AQP5: variants seen among roughly 807,000 people sequenced by gnomAD.
AQP5 encodes the protein aquaporin 5, also known as aquaporin-5.
In AQP5, 15 loss-of-function variants were observed where a neutral mutation model predicts 19.1. That is an observed-to-expected ratio of 0.79 (90% confidence interval 0.53 to 1.21). The LOEUF is 1.21. Among genes scored for constraint, AQP5 ranks in the 50% most tolerant of loss-of-function variants. AQP5 has a pLI of 0.00. For missense variants in AQP5, 355 were observed against 357.1 expected, an observed-to-expected ratio of 0.99 and a Z score of 0.05; for synonymous variants, 182 against 160.3, an observed-to-expected ratio of 1.14 and a Z score of -1.02.
chr12:49,962,534 T>TCCCAAGGCCAGGCAGGCAAGAGC (rs1262546880), intron 1 of AQP5, 154 bp downstream of exon 1: 1 of 974,746 alleles, frequency 1.0e-6, no homozygotes, highest in Non-Finnish European at 1.4e-6. Context: ...GGAAGGCAAC[T>TCCCAAGGCCAGGCAGGCAAGAGC]CTCCAGGCTG....
intron 1 of AQP5, chr12:49,962,926 T>C (rs1239627548): frequency 6.1e-6 from 1 of 163,726 alleles, no homozygotes; most frequent in Non-Finnish European, 1.3e-5. Context: ...GAGTATTGGT[T>C]CCCTCTTTCC....
At position 49,965,368 on chromosome 12, in the gene AQP5, C is replaced by A; in HGVS notation, c.*191C>A. 1 of 610,916 alleles carries A rather than the reference C, an allele frequency of 1.6e-6. No individual in the cohort carries two copies. Among genetic ancestry groups the A allele is most frequent in the Non-Finnish European group, 2.8e-6 (1 of 362,812 alleles). The allele number at this position is 610,916 out of a possible 1,614,324, so 37.8% of individuals were successfully genotyped here. A position where few individuals can be genotyped will look rare whatever the true frequency, so the allele number is the denominator to read the frequency against. ...GGACTCCTGGGGTAGGGGCCAGGGG[C>A]TGGGGTCTGCTGGGGACAGGTCTCT... On this transcript the variant is annotated 3_prime_UTR_variant, in exon 4 of 4. Transcript: ENST00000293599.
rs746236921 is a variant in AQP5 at position 49,964,819 on chromosome 12, G to C, written c.613-173G>C. On this transcript the variant is annotated intron_variant, in intron 3 of 3. Transcript: ENST00000293599. ...GTCCATGTCTCTGTCCCTGGGAGTGGTGTGTCAGTATATTCGTCCCCGAGG... is the reference window on the plus strand; with the variant it reads ...GTCCATGTCTCTGTCCCTGGGAGTGCTGTGTCAGTATATTCGTCCCCGAGG... The C allele has an allele frequency of 3.0e-6, 3 of 985,236 alleles. No homozygotes were observed. In the African/African-American group the frequency reaches 5.2e-5, roughly 17 times the overall value. The allele number at this position is 985,236 out of a possible 1,614,324, so 61.0% of individuals were successfully genotyped here.
chr12:49,962,806 C>T (rs1038985458), intron 1 of AQP5: 2 of 173,270 alleles, frequency 1.2e-5, no homozygotes, highest in African/African-American at 2.4e-5. Flanking sequence ...TTGTTCTCAG[C>T]GCCTCCATGG....
In AQP5 at chr12:49,965,366, G is replaced by T. The variant is rs139851649; in HGVS notation, c.*189G>T. 1 of 666,716 alleles carries T rather than the reference G, an allele frequency of 1.5e-6. No homozygotes were observed. Among genetic ancestry groups the T allele is most frequent in the Non-Finnish European group, 2.4e-6 (1 of 410,532 alleles). 41.3% of individuals were successfully genotyped at this position (666,716 alleles called of 1,614,324 possible). ...TGGGACTCCTGGGGTAGGGGCCAGG[G>T]GCTGGGGTCTGCTGGGGACAGGTCT... On this transcript the variant is annotated 3_prime_UTR_variant, in exon 4 of 4. Transcript: ENST00000293599.
chr12:49,964,927 G>A, intron 3 of AQP5, 65 bp from the exon 4 acceptor site: 2 of 1,559,964 alleles, frequency 1.3e-6, no homozygotes, highest in Admixed American at 1.9e-5. Context: ...CCTCTGTGGG[G>A]TGGGGGGCAT....
At chr12:49,964,350 G>A (rs1947463752) in intron 3 of AQP5, among the ~76,000 whole-genome samples, 175 bp downstream of exon 3, 1 of 152,188 alleles carries the variant, frequency 6.6e-6, no homozygotes, top group African/African-American at 2.4e-5. Flanking sequence ...TAGAGGGGCA[G>A]AGGTGGCTTT....
rs182139960 is a variant in AQP5, at chr12:49,964,743, C to T, written c.613-249C>T. 5 of 985,292 alleles carry T rather than the reference C, an allele frequency of 5.1e-6. No individual in the cohort carries two copies. The Admixed American group carries it at 3.1e-4, about 60-fold the overall frequency. 61.0% of individuals were successfully genotyped at this position (985,292 alleles called of 1,614,324 possible). ...CTCTTTCCGGTGTGGTTGGAGGGAG[C>T]CTGTCCCTCTGGGAATCTGTTTGCC... is the stretch of plus-strand genomic sequence containing the variant. On this transcript the variant is annotated intron_variant, in intron 3 of 3. Coordinates refer to ENST00000293599, the MANE Select transcript of AQP5 (RefSeq NM_001651.4).
Position 49,961,931 on chromosome 12 carries a change from G to T in AQP5, c.-87G>T. ...CGCGGCGCCCCGCAGCCAGGCCCCC[G>T]CCCCCGCCGCATCCACCTCCTCCGC... On this transcript the variant is annotated 5_prime_UTR_variant, in exon 1 of 4. Coordinates refer to ENST00000293599, the MANE Select transcript of AQP5 (RefSeq NM_001651.4). 1 of 851,510 alleles carries T rather than the reference G, an allele frequency of 1.2e-6. No homozygotes were observed. Among genetic ancestry groups the T allele is most frequent in the Non-Finnish European group, 1.5e-6 (1 of 657,246 alleles). The allele number at this position is 851,510 out of a possible 1,614,324, so 52.7% of individuals were successfully genotyped here. A position where few individuals can be genotyped will look rare whatever the true frequency, so the allele number is the denominator to read the frequency against.
In AQP5 at chr12:49,965,348, C is replaced by T. The variant is rs74091169; in HGVS notation, c.*171C>T. 4 of 783,230 alleles carry T rather than the reference C, an allele frequency of 5.1e-6. No individual in the cohort carries two copies. In the African/African-American group the frequency reaches 5.2e-5, roughly 10 times the overall value. 48.5% of individuals were successfully genotyped at this position (783,230 alleles called of 1,614,324 possible). On this transcript the variant is annotated 3_prime_UTR_variant, in exon 4 of 4. Coordinates refer to ENST00000293599, the MANE Select transcript of AQP5 (RefSeq NM_001651.4). Reference sequence around the variant, plus strand: ...GGGAGAAGGAACCCATGATGGGACTCCTGGGGTAGGGGCCAGGGGCTGGGG... The same window carrying T: ...GGGAGAAGGAACCCATGATGGGACTTCTGGGGTAGGGGCCAGGGGCTGGGG...
chr12:49,962,499 G>GGAAGGCAAGAGCCTCCCAAGGCCAT, intron 1 of AQP5, 119 bp downstream of exon 1: 2 of 1,428,724 alleles, frequency 1.4e-6, no homozygotes, highest in African/African-American at 1.4e-5. Context: ...CCCTTCACCA[G>GGAAGGCAAGAGCCTCCCAAGGCCAT]GAAGGCAAGA....
At chr12:49,964,503 G>A in intron 3 of AQP5, 1 of 384,296 alleles carries the variant, frequency 2.6e-6, no homozygotes, top group South Asian at 1.1e-4. Flanking sequence ...TCTGCGTGCT[G>A]GTCCTCTCTG....
In AQP5 at chr12:49,963,478, C is replaced by G; in HGVS notation, c.364-14C>G. 6.2e-7 allele frequency: 1 copy of G among 1,613,168 alleles called. No individual in the cohort carries two copies. Among genetic ancestry groups the G allele is most frequent in the Non-Finnish European group, 8.5e-7 (1 of 1,179,644 alleles). ...AGAAGGTGGCCGGGGTCCTAACCCG[C>G]TATCCCCTTGCAGCTCAACAACAAC... On this transcript the variant is annotated splice_polypyrimidine_tract_variant and intron_variant, in intron 1 of 3. Coordinates refer to ENST00000293599, the MANE Select transcript of AQP5 (RefSeq NM_001651.4).
In AQP5 at chr12:49,963,476, C is replaced by T. The variant is rs149024940; in HGVS notation, c.364-16C>T. The T allele has an allele frequency of 1.8e-4, 291 of 1,612,882 alleles. No individual in the cohort carries two copies. Among genetic ancestry groups the T allele is most frequent in the East Asian group, 5.8e-4 (26 of 44,868 alleles). ...CCAGAAGGTGGCCGGGGTCCTAACCCGCTATCCCCTTGCAGCTCAACAACA... is the reference window on the plus strand; with the variant it reads ...CCAGAAGGTGGCCGGGGTCCTAACCTGCTATCCCCTTGCAGCTCAACAACA... On this transcript the variant is annotated splice_polypyrimidine_tract_variant and intron_variant, in intron 1 of 3. Coordinates refer to ENST00000293599, the MANE Select transcript of AQP5 (RefSeq NM_001651.4).
Position 49,962,152 on chromosome 12 carries a change from C to T in AQP5, c.135C>T (p.Ile45=), listed in dbSNP as rs1474985654. 5 of 1,612,650 alleles carry T rather than the reference C, an allele frequency of 3.1e-6. No individual in the cohort carries two copies. Among genetic ancestry groups the T allele is most frequent in the Non-Finnish European group, 4.2e-6 (5 of 1,179,826 alleles). ...CGGCGCTGCCTACCATCCTGCAGATCGCGCTGGCGTTTGGCCTGGCCATAG... is the reference window on the plus strand; with the variant it reads ...CGGCGCTGCCTACCATCCTGCAGATTGCGCTGGCGTTTGGCCTGGCCATAG... The part of the protein sequence containing the change: ...WPSALPTILQ[I]ALAFGLAIGT... Residue 45 remains isoleucine, a synonymous_variant, in exon 1 of 4, where the codon ATC becomes ATT. Coordinates refer to ENST00000293599, the MANE Select transcript of AQP5 (RefSeq NM_001651.4).
intron 1 of AQP5, 172 bp downstream of exon 1, chr12:49,962,552 C>T (rs1947441637): frequency 4.8e-6 from 4 of 828,956 alleles, no homozygotes; most frequent in Non-Finnish European, 6.8e-6. Context: ...CTGATATGTG[C>T]TCCCTTCCTG....
In AQP5 at chr12:49,962,391, TGGGG is replaced by T. The variant is rs3832811; in HGVS notation, c.363+18_363+21del. On this transcript the variant is annotated intron_variant, in intron 1 of 3. Transcript: ENST00000293599. ...CTGGCCGTCAACGCGGTGAGTGCCC[TGGGG>T]GGGGGGTGGGAGCCTCGACCCTGGG... The T allele has an allele frequency of 4.0e-4, 608 of 1,537,206 alleles. 12 individuals are homozygous for T. The Admixed American group carries it at 0.011, about 27-fold the overall frequency.
At chr12:49,964,663 C>G (rs533224983) in intron 3 of AQP5, 15 of 985,178 alleles carry the variant, frequency 1.5e-5, no homozygotes, top group Admixed American at 6.2e-5. Context: ...GACACGCGCT[C>G]TGTTCATCCG....
rs116624512 is a variant in AQP5, at chr12:49,963,931, A to G, written c.529-161A>G. 2.2e-3 allele frequency: 1,824 copies of G among 817,650 alleles called. 34 individuals are homozygous for G. In the African/African-American group the frequency reaches 0.027, roughly 12 times the overall value. The allele number at this position is 817,650 out of a possible 1,614,324, so 50.6% of individuals were successfully genotyped here. On this transcript the variant is annotated intron_variant, in intron 2 of 3. Transcript: ENST00000293599. ...GAGAGGAGGGCGTAGTTAAGGGTCCATGGTTAACCAAGCAGCTGGGATCCT... is the reference window on the plus strand; with the variant it reads ...GAGAGGAGGGCGTAGTTAAGGGTCCGTGGTTAACCAAGCAGCTGGGATCCT...
Sources: allele counts gnomAD v4.1 joint callset (sites outside exome capture counted in the v4.1 genomes callset), GRCh38; gene constraint gnomAD v4.1.1; transcripts MANE v1.5; gene names NCBI Gene and HGNC (gene_info 2026-07-23, HGNC 2026-07-21).